Variants in PKHD1 observed in about 807,000 individuals in gnomAD.
The protein encoded by PKHD1 is fibrocystin.
Under a neutral mutation model 412.0 loss-of-function variants are expected in PKHD1, and 291 were observed. The ratio of observed to expected loss-of-function variants is 0.71; its 90% CI spans 0.64 to 0.78. PKHD1 has a LOEUF of 0.78. Among genes scored for constraint, PKHD1 ranks in the 30% least tolerant of loss-of-function variants. The probability of loss-of-function intolerance (pLI) is 0.00; values close to 1 mark genes in which losing one functional copy is unlikely to be tolerated. For synonymous variants in PKHD1, 1,777 were observed against 1,821.5 expected (o/e 0.98, Z 0.62); for missense variants, 4,825 against 4,950.7 (o/e 0.97, Z 0.76).
intron 60 of PKHD1, among the ~76,000 whole-genome samples, chr6:51,665,531 T>A (rs1338290940): frequency 1.3e-5 from 2 of 152,152 alleles, no homozygotes; most frequent in African/African-American, 2.4e-5. Flanking sequence ...AATTTTTACC[T>A]TAGAGTTTTG....
At chr6:51,965,561 A>G (rs745582652) in intron 35 of PKHD1, among the ~76,000 whole-genome samples, 1 of 152,132 alleles carries the variant, frequency 6.6e-6, no homozygotes. Flanking sequence ...GCTCTAAGTG[A>G]TCACTTTCTT....
rs201906247 is a variant in PKHD1 at position 52,017,600 on chromosome 6, G to C, written c.5410C>G (p.Arg1804Gly). 10 of 1,613,572 alleles carry C rather than the reference G, an allele frequency of 6.2e-6. No homozygotes were observed. In the African/African-American group the frequency reaches 1.3e-4, roughly 22 times the overall value. Residue 1804 changes from arginine (R) to glycine (G), a missense_variant, in exon 34 of 67, where the codon CGT becomes GGT. Coordinates refer to ENST00000371117, the MANE Select transcript of PKHD1 (RefSeq NM_138694.4). ...GCAGCCTCACAGCTGTCCTCCTCAC[G>C]CTTCAGGCCACACAGGAAGGCCAAG... ...VSLAFLCGLK[R>G]EEDSCEAARH...
intron 6 of PKHD1, 57 bp from the exon 7 acceptor site, chr6:52,073,598 T>C (rs892446742): frequency 1.0e-5 from 10 of 1,002,024 alleles, no homozygotes; most frequent in Middle Eastern, 4.1e-4. Flanking sequence ...CAATGTATAA[T>C]AAAAAACCAT....
At chr6:51,648,260 T>C in intron 62 of PKHD1, 142 bp from the exon 63 acceptor site, 2 of 618,412 alleles carry the variant, frequency 3.2e-6, no homozygotes, top group South Asian at 3.9e-5. Flanking sequence ...GATAAATAAA[T>C]GTCTTTCTCA....
Position 52,059,932 on chromosome 6 carries a change from G to C in PKHD1, c.1229C>G (p.Thr410Ser). ...AAATGAGAAGACAGTGAATACCTTA[G>C]TCCTTGGTTCCTCTGACCAACTGAA... ...LHFSWSEEPR[T>S]KVKVASISVG... Residue 410 changes from threonine (T) to serine (S), a missense_variant, in exon 15 of 67, where the codon ACT becomes AGT. Thr to Ser is a moderately conservative substitution (Grantham distance 58). Transcript: ENST00000371117. 1 of 1,446,234 alleles carries C rather than the reference G, an allele frequency of 6.9e-7. No homozygotes were observed. The highest frequency in any genetic ancestry group is 9.7e-7 in the Non-Finnish European group (1 of 1,026,594). 89.6% of individuals were successfully genotyped at this position (1,446,234 alleles called of 1,614,324 possible).
At chr6:51,850,630 T>C (rs958113578) in intron 49 of PKHD1, among the ~76,000 whole-genome samples, 3 of 152,198 alleles carry the variant, frequency 2.0e-5, no homozygotes, top group African/African-American at 7.2e-5. Context: ...GCTGTATACG[T>C]AGGTATTTTA....
intron 35 of PKHD1, among the ~76,000 whole-genome samples, chr6:51,986,661 T>C (rs186064714): frequency 2.9e-4 from 44 of 152,366 alleles, no homozygotes; most frequent in African/African-American, 9.9e-4. Context: ...GCCTTCGCAA[T>C]GTTTTAGAAG....
At chr6:51,814,623 G>C (rs1368930155) in intron 52 of PKHD1, among the ~76,000 whole-genome samples, 1 of 152,116 alleles carries the variant, frequency 6.6e-6, no homozygotes, top group Non-Finnish European at 1.5e-5. Flanking sequence ...TAAATCCCCA[G>C]AGAGCTCTAA....
At chr6:52,058,706 G>A in intron 15 of PKHD1, 105 bp from the exon 16 acceptor site, 1 of 1,207,770 alleles carries the variant, frequency 8.3e-7, no homozygotes, top group South Asian at 1.2e-5. Context: ...GTTTTGAACT[G>A]GTCTGCCTTT....
At chr6:51,978,793 G>A (rs1794777944) in intron 35 of PKHD1, among the ~76,000 whole-genome samples, 1 of 152,078 alleles carries the variant, frequency 6.6e-6, no homozygotes, top group Non-Finnish European at 1.5e-5. Flanking sequence ...GTCACCTCCT[G>A]TGGCTTCTAT....
In PKHD1 at chr6:51,659,927, A is replaced by C; in HGVS notation, c.10199T>G (p.Met3400Arg). 11 of 1,612,422 alleles carry C rather than the reference A, an allele frequency of 6.8e-6. No individual in the cohort carries two copies. Among genetic ancestry groups the C allele is most frequent in the Non-Finnish European group, 8.5e-6 (10 of 1,178,720 alleles). The change falls in exon 61 of 67, where the codon ATG (methionine) becomes AGG (arginine). Residue 3400 changes from methionine (M) to arginine (R), a missense_variant. Transcript: ENST00000371117. ...EEQKCTYQFL[M>R]QGFICKQTDQ... The stretch of plus-strand genomic sequence containing the variant: ...AGTCTGTTTGCAGATGAATCCTTGC[A>C]TCAGAAATTGGTATGTACATTTCTG...
At chr6:51,653,176 CCCTCAAGAATAA>C (rs1443915704) in intron 61 of PKHD1, among the ~76,000 whole-genome samples, 1 of 152,082 alleles carries the variant, frequency 6.6e-6, no homozygotes, top group African/African-American at 2.4e-5. Flanking sequence ...TGATCTCTCC[CCCTCAAGAATAA>C]CCTTCTGTAT....
intron 63 of PKHD1, among the ~76,000 whole-genome samples, chr6:51,640,290 C>G (rs190776461): frequency 6.6e-6 from 1 of 152,188 alleles, no homozygotes; most frequent in Non-Finnish European, 1.5e-5. Flanking sequence ...CCTCGTAGAA[C>G]AGCCGCCAAA....
rs373325476 is a variant in PKHD1, at chr6:51,632,546, T to TAA, written c.11665+17_11665+18dup. On this transcript the variant is annotated intron_variant, in intron 65 of 66. Coordinates refer to ENST00000371117, the MANE Select transcript of PKHD1 (RefSeq NM_138694.4). ...TTTTTCAGAAATTTTCATTCCAAAA[T>TAA]AAAAAAAAAACTACATACTTCTGCT... The TAA allele has an allele frequency of 2.8e-4, 398 of 1,423,128 alleles. No homozygotes were observed. The highest frequency in any genetic ancestry group is 9.4e-4 in the African/African-American group (65 of 69,078). The allele number at this position is 1,423,128 out of a possible 1,614,324, so 88.2% of individuals were successfully genotyped here. A position where few individuals can be genotyped will look rare whatever the true frequency, so the allele number is the denominator to read the frequency against.
At chr6:51,975,946 G>A (rs1794350106) in intron 35 of PKHD1, 1 of 118,622 alleles carries the variant, frequency 8.4e-6, no homozygotes, top group Admixed American at 1.1e-4. Flanking sequence ...ATAACATAGC[G>A]AGACCCTTTC....
rs1783877758 is a variant in PKHD1, at chr6:51,916,801, T to C, written c.6122-4225A>G. Among the ~76,000 whole-genome samples the C allele has an allele frequency of 3.3e-5, 5 of 152,106 alleles. No individual in the cohort carries two copies. In the South Asian group the frequency reaches 8.3e-4, roughly 25 times the overall value. On this transcript the variant is annotated intron_variant, in intron 37 of 66. Coordinates refer to ENST00000371117, the MANE Select transcript of PKHD1 (RefSeq NM_138694.4). The stretch of plus-strand genomic sequence containing the variant: ...ACTACGCATAAAAAGCTCAATAATT[T>C]ATGAATATGCTAAATGAAAAAGGAC...
chr6:52,047,352 C>T (rs1269248693), intron 23 of PKHD1, among the ~76,000 whole-genome samples: 1 of 152,174 alleles, frequency 6.6e-6, no homozygotes, highest in Non-Finnish European at 1.5e-5. Context: ...CTCTGTTCCT[C>T]TCACCCAAGA....
intron 60 of PKHD1, chr6:51,740,130 T>C (rs1784389345): frequency 4.2e-5 from 19 of 455,032 alleles, no homozygotes; most frequent in South Asian, 2.8e-4. Context: ...GCATGAGCTG[T>C]CTTGCTCTCT....
At chr6:51,982,182 AGGT>A in intron 35 of PKHD1, among the ~76,000 whole-genome samples, 1 of 27,158 alleles carries the variant, frequency 3.7e-5, no homozygotes, top group South Asian at 1.2e-3. Context: ...TCCGGGAGGG[AGGT>A]GGGGGGGTCA....
Sources: allele counts gnomAD v4.1 joint callset (sites outside exome capture counted in the v4.1 genomes callset), GRCh38; gene constraint gnomAD v4.1.1; transcripts MANE v1.5; gene names NCBI Gene and HGNC (gene_info 2026-07-23, HGNC 2026-07-21).